The following MAN1C1 variants were observed in gnomAD, a reference collection of about 807,000 sequenced individuals.
MAN1C1 encodes the protein mannosidase alpha class 1C member 1.
MAN1C1 carries 49 observed loss-of-function variants against 71.5 expected under a neutral mutation model. The ratio of observed to expected loss-of-function variants is 0.69; its 90% CI spans 0.54 to 0.87. The LOEUF (loss-of-function observed/expected upper bound fraction) is 0.87, where lower values mean the gene tolerates loss of function less well. MAN1C1 is among the 40% of genes least tolerant of loss of function. The probability of loss-of-function intolerance (pLI) is 0.00; values close to 1 mark genes in which losing one functional copy is unlikely to be tolerated. For missense variants in MAN1C1, 743 were observed against 835.0 expected, an observed-to-expected ratio of 0.89 and a Z score of 1.36; for synonymous variants, 352 against 343.7, an observed-to-expected ratio of 1.02 and a Z score of -0.27.
intron 2 of MAN1C1, among the ~76,000 whole-genome samples, chr1:25,720,127 T>C (rs996847176): frequency 1.3e-5 from 2 of 152,238 alleles, no homozygotes; most frequent in African/African-American, 4.8e-5. Context: ...CTAATGATGT[T>C]AAACATCTTT....
intron 1 of MAN1C1, among the ~76,000 whole-genome samples, chr1:25,668,559 C>CTTCCT (rs1553184750): frequency 2.1e-5 from 3 of 141,540 alleles, no homozygotes; most frequent in African/African-American, 7.9e-5. Flanking sequence ...TTCTTTCTTT[C>CTTCCT]TTTTTTTTTT....
At chr1:25,741,440 A>G (rs1284896538) in intron 2 of MAN1C1, among the ~76,000 whole-genome samples, 1 of 152,194 alleles carries the variant, frequency 6.6e-6, no homozygotes, top group East Asian at 1.9e-4. Context: ...AGGAGAAGCA[A>G]GAGGAAGAAT....
intron 7 of MAN1C1, among the ~76,000 whole-genome samples, chr1:25,768,301 A>C (rs1306887783): frequency 0.034 from 153 of 4,464 alleles, no homozygotes; most frequent in Non-Finnish European, 0.042. Context: ...ACACACACGC[A>C]TTACACACTC....
At chr1:25,729,272 C>G (rs976378645) in intron 2 of MAN1C1, among the ~76,000 whole-genome samples, 4 of 152,212 alleles carry the variant, frequency 2.6e-5, no homozygotes, top group African/African-American at 9.7e-5. Flanking sequence ...CCTGGAATGT[C>G]CCCCCTGTTG....
At chr1:25,690,688 G>A (rs1239551127) in intron 2 of MAN1C1, among the ~76,000 whole-genome samples, 2 of 152,250 alleles carry the variant, frequency 1.3e-5, no homozygotes, top group Non-Finnish European at 2.9e-5. Flanking sequence ...ATCCAGACAG[G>A]CCTGGGTGGA....
intron 1 of MAN1C1, among the ~76,000 whole-genome samples, chr1:25,623,585 A>T (rs1001162358): frequency 1.3e-5 from 2 of 152,128 alleles, no homozygotes; most frequent in African/African-American, 4.8e-5. Context: ...AAATATTGTG[A>T]TATATATCAG....
In MAN1C1 at chr1:25,734,880, C is replaced by T. The variant is rs539060355; in HGVS notation, c.638-11788C>T. On this transcript the variant is annotated intron_variant, in intron 2 of 11. Coordinates refer to ENST00000374332, the MANE Select transcript of MAN1C1 (RefSeq NM_020379.4). ...TGAGAAACAATGCCTTTGATATAAA[C>T]GTTCAGAGGAGAAAAACCTCAGATC... Among the ~76,000 whole-genome samples the T allele has an allele frequency of 7.2e-5, 11 of 152,296 alleles. 1 individual carries two copies. The South Asian group carries it at 1.7e-3, about 23-fold the overall frequency.
At chr1:25,754,386 A>G (rs2047257009) in intron 5 of MAN1C1, among the ~76,000 whole-genome samples, 1 of 152,134 alleles carries the variant, frequency 6.6e-6, no homozygotes, top group South Asian at 2.1e-4. Context: ...GGGAGGTTGC[A>G]CCTTCGTGTT....
In MAN1C1 at chr1:25,769,091, ACCCACACTCCCT is replaced by A. The variant is rs1476711430; in HGVS notation, c.1142-2558_1142-2547del. On this transcript the variant is annotated intron_variant, in intron 7 of 11. Transcript: ENST00000374332. This position sits in a 1 kb window ranked among gnomAD's most constrained non-coding sequence, Gnocchi z 4.8. Reference sequence around the variant, plus strand: ...CCACACTCCCACACACACACCTATCACCCACACTCCCTCCCACACACACACCACACACTCCCT... The same window carrying A: ...CCACACTCCCACACACACACCTATCACCCACACACACACCACACACTCCCT... 3.8e-5 allele frequency among the ~76,000 whole-genome samples: 4 copies of A among 106,318 alleles called. No individual in the cohort carries two copies. Among genetic ancestry groups the A allele is most frequent in the Non-Finnish European group, 7.8e-5 (4 of 51,010 alleles). 69.7% of individuals were successfully genotyped at this position (106,318 alleles called of 152,430 possible).
chr1:25,674,619 G>A (rs1419863577), intron 1 of MAN1C1, among the ~76,000 whole-genome samples: 1 of 152,202 alleles, frequency 6.6e-6, no homozygotes, highest in Non-Finnish European at 1.5e-5. Flanking sequence ...GCAAAAAGAG[G>A]AGGGAGGAGT....
chr1:25,656,341 G>A (rs1301457700), intron 1 of MAN1C1, among the ~76,000 whole-genome samples: 3 of 151,774 alleles, frequency 2.0e-5, no homozygotes, highest in African/African-American at 7.3e-5. Context: ...CAAGTGATCT[G>A]CCCACCTTGG....
At position 25,624,519 on chromosome 1, in the gene MAN1C1, C is replaced by T. The variant is rs554466287; in HGVS notation, c.540+6182C>T. On this transcript the variant is annotated intron_variant, in intron 1 of 11. Coordinates refer to ENST00000374332, the MANE Select transcript of MAN1C1 (RefSeq NM_020379.4). ...TCTGAATTTCTTAACTTGGAATCTT[C>T]TTTAATTAAAGGCTACAACCAGGGC... is the stretch of plus-strand genomic sequence containing the variant. 8.5e-5 allele frequency among the ~76,000 whole-genome samples: 13 copies of T among 152,272 alleles called. No homozygotes were observed. In the South Asian group the frequency reaches 1.5e-3, roughly 17 times the overall value.
In MAN1C1 at chr1:25,779,223, G is replaced by A. The variant is rs140368231; in HGVS notation, c.1477+899G>A. Among the ~76,000 whole-genome samples the A allele has an allele frequency of 4.1e-4, 62 of 152,272 alleles. 1 individual carries two copies. Among genetic ancestry groups the A allele is most frequent in the African/African-American group, 1.2e-3 (51 of 41,546 alleles). On this transcript the variant is annotated intron_variant, in intron 9 of 11. Coordinates refer to ENST00000374332, the MANE Select transcript of MAN1C1 (RefSeq NM_020379.4). This position sits in a 1 kb window ranked among gnomAD's most constrained non-coding sequence, Gnocchi z 4.6. ...GACTGTTTTCTGATGGCCAGGAGCC[G>A]CTACACCATTTGAAAAGATTAGAGA...
rs916113289 is a variant in MAN1C1 at position 25,746,409 on chromosome 1, T to C, written c.638-259T>C. On this transcript the variant is annotated intron_variant, in intron 2 of 11. Coordinates refer to ENST00000374332, the MANE Select transcript of MAN1C1 (RefSeq NM_020379.4). The surrounding 1 kb of genome is among the most constrained non-coding windows in gnomAD (Gnocchi z 4.0). ...GACCAACAGAAGAGTGGACCGAGTC[T>C]GGGAAGTGGCTCAGCCTGGGCCCTC... 6.6e-6 allele frequency among the ~76,000 whole-genome samples: 1 copy of C among 152,190 alleles called. No individual in the cohort carries two copies. Among genetic ancestry groups the C allele is most frequent in the African/African-American group, 2.4e-5 (1 of 41,450 alleles).
chr1:25,629,988 T>G (rs2045355201), intron 1 of MAN1C1, among the ~76,000 whole-genome samples: 1 of 152,124 alleles, frequency 6.6e-6, no homozygotes, highest in African/African-American at 2.4e-5. Context: ...CAGAAGAGTT[T>G]TTCTGATGTT....
intron 2 of MAN1C1, among the ~76,000 whole-genome samples, chr1:25,697,492 T>G (rs1428931914): frequency 6.6e-6 from 1 of 152,266 alleles, no homozygotes; most frequent in Non-Finnish European, 1.5e-5. Flanking sequence ...TTTGCTGTTA[T>G]GAATAATGCT....
Position 25,686,470 on chromosome 1 carries a change from C to A in MAN1C1, c.571C>A (p.Arg191Ser). 1 of 1,614,094 alleles carries A rather than the reference C, an allele frequency of 6.2e-7. No individual in the cohort carries two copies. Among genetic ancestry groups the A allele is most frequent in the Middle Eastern group, 1.6e-4 (1 of 6,062 alleles). The change falls in exon 2 of 12, where the codon CGT becomes AGT. Residue 191 changes from arginine (R) to serine (S), a missense_variant. By Grantham distance (110) the Arg-to-Ser change is moderately radical (BLOSUM62 -1). Transcript: ENST00000374332. ...MMQFAWQSYK[R>S]YAMGKNELRP... ...GCAGTTTGCTTGGCAGAGCTATAAG[C>A]GTTATGCAATGGGGAAAAACGAACT...
At position 25,779,116 on chromosome 1, in the gene MAN1C1, A is replaced by G. The variant is rs1465826693; in HGVS notation, c.1477+792A>G. The stretch of plus-strand genomic sequence containing the variant: ...GTCCCAGGAGACGCCCACCGCTCTG[A>G]GTGGTAATCCCAGTGTTGGTTGGAG... On this transcript the variant is annotated intron_variant, in intron 9 of 11. Transcript: ENST00000374332. This position sits in a 1 kb window ranked among gnomAD's most constrained non-coding sequence, Gnocchi z 4.6. Among the ~76,000 whole-genome samples, 1 of 152,142 alleles carries G rather than the reference A, an allele frequency of 6.6e-6. No homozygotes were observed. Among genetic ancestry groups the G allele is most frequent in the African/African-American group, 2.4e-5 (1 of 41,446 alleles).
At chr1:25,703,540 G>T (rs547512041) in intron 2 of MAN1C1, among the ~76,000 whole-genome samples, 2 of 152,282 alleles carry the variant, frequency 1.3e-5, no homozygotes, top group East Asian at 3.9e-4. Context: ...AATTAGCCAG[G>T]TGTGGTGGTG....
Sources: gnomAD v4.1 joint callset for allele counts (sites outside exome capture counted in the v4.1 genomes callset) on GRCh38, gnomAD v4.1.1 for gene constraint, Gnocchi (gnomAD v3.1) non-coding constraint, MANE v1.5 for transcripts, NCBI Gene and HGNC (gene_info 2026-07-23, HGNC 2026-07-21) for gene names.